The following TRPM3 variants were observed in gnomAD, a reference collection of about 807,000 sequenced individuals.
The protein encoded by TRPM3 is transient receptor potential cation channel subfamily M member 3.
TRPM3 carries 77 observed loss-of-function variants against 181.2 expected under a neutral mutation model. The ratio of observed to expected loss-of-function variants is 0.42; its 90% CI spans 0.35 to 0.51. TRPM3 has a LOEUF of 0.51. TRPM3 is among the 20% of genes least tolerant of loss of function. The pLI is 0.01. For synonymous variants in TRPM3, 745 were observed against 796.4 expected, an observed-to-expected ratio of 0.94 and a Z score of 1.09; for missense variants, 1,759 against 2,196.7, an observed-to-expected ratio of 0.80 and a Z score of 3.98.
chr9:71,110,824 A>G (rs1363077395), intron 1 of TRPM3, among the ~76,000 whole-genome samples: 1 of 152,210 alleles, frequency 6.6e-6, no homozygotes, highest in East Asian at 1.9e-4. Flanking sequence ...TCTTTAAATT[A>G]TATAGCTTGC....
intron 6 of TRPM3, among the ~76,000 whole-genome samples, chr9:70,822,785 G>GTA (rs1471148990): frequency 6.6e-6 from 1 of 151,896 alleles, no homozygotes; most frequent in East Asian, 2.0e-4. Context: ...GTGTGTGTGT[G>GTA]TGTGTGTGTG....
chr9:71,172,359 G>A (rs2076909353), intron 1 of TRPM3, among the ~76,000 whole-genome samples: 1 of 152,084 alleles, frequency 6.6e-6, no homozygotes, highest in South Asian at 2.1e-4. Flanking sequence ...GTCTTTAATA[G>A]TTTTATCATT....
At chr9:71,003,795 G>A (rs2097644908) in intron 1 of TRPM3, among the ~76,000 whole-genome samples, 1 of 151,604 alleles carries the variant, frequency 6.6e-6, no homozygotes. Flanking sequence ...AAGTATTCCG[G>A]AATAAGAATA....
chr9:70,820,924 T>G (rs1203446871), intron 6 of TRPM3, among the ~76,000 whole-genome samples: 1 of 152,154 alleles, frequency 6.6e-6, no homozygotes, highest in South Asian at 2.1e-4. Context: ...AGTTATACTC[T>G]TCTCTTTAAA....
At chr9:71,291,518 A>T (rs1367322365) in intron 1 of TRPM3, among the ~76,000 whole-genome samples, 2 of 152,142 alleles carry the variant, frequency 1.3e-5, no homozygotes, top group Admixed American at 6.6e-5. Context: ...AATAGAAAAG[A>T]TTTATTAGCC....
intron 25 of TRPM3, among the ~76,000 whole-genome samples, chr9:70,539,199 G>T (rs1312530341): frequency 6.6e-6 from 1 of 152,158 alleles, no homozygotes; most frequent in Non-Finnish European, 1.5e-5. Context: ...TGGTGGTGAG[G>T]TTTTAATGAC....
At chr9:71,257,834 A>C (rs1479275323) in intron 1 of TRPM3, among the ~76,000 whole-genome samples, 1 of 152,190 alleles carries the variant, frequency 6.6e-6, no homozygotes, top group Non-Finnish European at 1.5e-5. Context: ...TATAGCTGAT[A>C]TTTTGATAAC....
At chr9:71,152,849 A>T (rs1211809584) in intron 1 of TRPM3, among the ~76,000 whole-genome samples, 3 of 152,200 alleles carry the variant, frequency 2.0e-5, no homozygotes, top group Non-Finnish European at 2.9e-5. Context: ...TTTAAAGAAG[A>T]TCTATTCCAT....
chr9:71,243,068 G>C (rs2081811947), intron 1 of TRPM3, among the ~76,000 whole-genome samples: 1 of 152,156 alleles, frequency 6.6e-6, no homozygotes, highest in Non-Finnish European at 1.5e-5. Flanking sequence ...GTTTCAGAGA[G>C]TCTTGCTCTG....
At chr9:70,753,008 G>A (rs1057022426) in intron 8 of TRPM3, among the ~76,000 whole-genome samples, 3 of 152,134 alleles carry the variant, frequency 2.0e-5, no homozygotes, top group Non-Finnish European at 4.4e-5. Context: ...TTGGGAGGCT[G>A]AGGCAGGAGA....
Position 71,415,864 on chromosome 9 carries a change from GA to G in TRPM3, c.183+30788del, listed in dbSNP as rs1296976752. Among the ~76,000 whole-genome samples, 12 of 151,306 alleles carry G rather than the reference GA, an allele frequency of 7.9e-5. No individual in the cohort carries two copies. The South Asian group carries it at 2.1e-3, about 26-fold the overall frequency. ...AAACACTAAGAATAAAATAGTACTA[GA>G]AAAAAAATGTGAGAAGATTATTTCC... On this transcript the variant is annotated intron_variant, in intron 1 of 24. Transcript: ENST00000357533.
intron 6 of TRPM3, among the ~76,000 whole-genome samples, chr9:70,802,566 G>A (rs550335008): frequency 1.0e-3 from 152 of 152,272 alleles, no homozygotes; most frequent in African/African-American, 3.5e-3. Flanking sequence ...GTGTGCCTGT[G>A]ATCAATGAGA....
At chr9:71,383,464 G>T (rs2092851411) in intron 1 of TRPM3, among the ~76,000 whole-genome samples, 1 of 152,196 alleles carries the variant, frequency 6.6e-6, no homozygotes, top group South Asian at 2.1e-4. Context: ...GGAGAGAGTG[G>T]CTGGGGTATT....
chr9:70,946,520 C>T (rs1167268863), intron 1 of TRPM3, among the ~76,000 whole-genome samples: 8 of 152,026 alleles, frequency 5.3e-5, no homozygotes, highest in African/African-American at 1.9e-4. Context: ...ATAAGGTACT[C>T]ATAATACTGG....
At chr9:70,860,029 A>G (rs1337025) in intron 3 of TRPM3, among the ~76,000 whole-genome samples, 53,916 of 152,076 alleles carry the variant, frequency 0.35, 9,932 homozygotes, top group African/African-American at 0.39. Flanking sequence ...ACCCCTATGG[A>G]AATATTCTAA....
intron 1 of TRPM3, among the ~76,000 whole-genome samples, chr9:71,028,703 A>C (rs1173594906): frequency 6.6e-6 from 1 of 152,170 alleles, no homozygotes; most frequent in African/African-American, 2.4e-5. Flanking sequence ...AAGATCAAAA[A>C]TGATTAAAAA....
At chr9:70,617,650 A>G (rs2062993799) in intron 17 of TRPM3, among the ~76,000 whole-genome samples, 1 of 152,124 alleles carries the variant, frequency 6.6e-6, no homozygotes, top group African/African-American at 2.4e-5. Context: ...TAGAGTGACC[A>G]TTTCACTATG....
In TRPM3 at chr9:71,121,159, A is replaced by G. The variant is rs1489732619; in HGVS notation, c.177+19T>C. 35 of 1,606,520 alleles carry G rather than the reference A, an allele frequency of 2.2e-5. No individual in the cohort carries two copies. The East Asian group carries it at 7.8e-4, about 36-fold the overall frequency. ...TAAAAAGCACAATTAGCGCCATTCA[A>G]AGCTGCAAGTTACAGTACCTTCAGA... is the stretch of plus-strand genomic sequence containing the variant. On this transcript the variant is annotated intron_variant, in intron 1 of 25. Coordinates refer to ENST00000677713, the MANE Select transcript of TRPM3 (RefSeq NM_001366145.2).
intron 1 of TRPM3, among the ~76,000 whole-genome samples, chr9:71,169,523 A>G (rs955394999): frequency 6.6e-6 from 1 of 152,208 alleles, no homozygotes; most frequent in African/African-American, 2.4e-5. Context: ...CCAAAAAAAC[A>G]TATTTCGAGG....
Sources: gnomAD v4.1 joint callset for allele counts (sites outside exome capture counted in the v4.1 genomes callset) on GRCh38, gnomAD v4.1.1 for gene constraint, MANE v1.5 for transcripts, NCBI Gene and HGNC (gene_info 2026-07-23, HGNC 2026-07-21) for gene names.